Variants in KCNQ5 observed in about 807,000 individuals in gnomAD.
The protein encoded by KCNQ5 is potassium voltage-gated channel subfamily KQT member 5.
A neutral mutation model predicts 98.2 loss-of-function variants in KCNQ5; 30 were observed. The observed-to-expected ratio is 0.31, with a 90% CI of 0.23 to 0.41. The LOEUF (loss-of-function observed/expected upper bound fraction) is 0.41, where lower values mean the gene tolerates loss of function less well. Ranked by LOEUF, KCNQ5 falls within the 10% of genes least tolerant of loss-of-function variation. The pLI is 1.00. For missense variants in KCNQ5, 835 were observed against 1,182.5 expected, an observed-to-expected ratio of 0.71 and a Z score of 4.31; for synonymous variants, 458 against 449.4, an observed-to-expected ratio of 1.02 and a Z score of -0.24.
chr6:72,672,143 G>C (rs2154473389), intron 1 of KCNQ5, among the ~76,000 whole-genome samples: 1 of 142,838 alleles, frequency 7.0e-6, no homozygotes, highest in African/African-American at 2.6e-5. Flanking sequence ...TTGAGACAGA[G>C]TCTACTCTAT....
intron 2 of KCNQ5, among the ~76,000 whole-genome samples, chr6:73,013,391 G>T (rs1313703689): frequency 6.6e-6 from 1 of 152,052 alleles, no homozygotes; most frequent in Non-Finnish European, 1.5e-5. Flanking sequence ...TGCTTGCTCT[G>T]CCATCACCCT....
chr6:73,101,443 T>C (rs896358446), intron 5 of KCNQ5, among the ~76,000 whole-genome samples: 1 of 152,096 alleles, frequency 6.6e-6, no homozygotes, highest in Non-Finnish European at 1.5e-5. Context: ...AGCATCCAAA[T>C]TGGGAAGGAA....
Position 73,097,142 on chromosome 6 carries a change from C to CATATATATAT in KCNQ5, c.919-8107_919-8098dup, listed in dbSNP as rs70994161. ...ATTCACCACACTGTGCAATAGATCT[C>CATATATATAT]ATATATATATATATATACACACACA... On this transcript the variant is annotated intron_variant, in intron 5 of 13. Transcript: ENST00000370398. Among the ~76,000 whole-genome samples, 44 of 121,902 alleles carry CATATATATAT rather than the reference C, an allele frequency of 3.6e-4. 1 individual carries two copies. Among genetic ancestry groups the CATATATATAT allele is most frequent in the East Asian group, 1.3e-3 (5 of 3,988 alleles). The allele number at this position is 121,902 out of a possible 152,430, so 80.0% of individuals were successfully genotyped here.
intron 1 of KCNQ5, among the ~76,000 whole-genome samples, chr6:72,792,748 GTC>G (rs900903350): frequency 8.5e-5 from 13 of 152,222 alleles, no homozygotes; most frequent in African/African-American, 1.9e-4. Flanking sequence ...CATAATTAAT[GTC>G]TCTATTTCAA....
intron 1 of KCNQ5, among the ~76,000 whole-genome samples, chr6:72,652,429 T>TC (rs1158120630): frequency 4.6e-5 from 7 of 151,778 alleles, no homozygotes; most frequent in Middle Eastern, 3.4e-3. Context: ...TCCTGGTTTT[T>TC]CCCCCTCCCT....
chr6:72,988,256 T>C (rs75700763), intron 1 of KCNQ5, among the ~76,000 whole-genome samples: 17 of 152,310 alleles, frequency 1.1e-4, no homozygotes, highest in African/African-American at 4.1e-4. Flanking sequence ...ATCTTATAGA[T>C]GAGGCAAAGG....
chr6:73,080,390 G>T (rs542855513), intron 5 of KCNQ5, among the ~76,000 whole-genome samples: 5 of 152,094 alleles, frequency 3.3e-5, no homozygotes, highest in South Asian at 2.1e-4. Flanking sequence ...AGGCCTTATT[G>T]GTCCGTAGCA....
At chr6:73,153,440 A>G (rs1014672391) in intron 10 of KCNQ5, among the ~76,000 whole-genome samples, 4 of 152,144 alleles carry the variant, frequency 2.6e-5, no homozygotes, top group Admixed American at 1.3e-4. Flanking sequence ...TGTCTTAATT[A>G]TATGTGTATG....
At position 72,693,551 on chromosome 6, in the gene KCNQ5, G is replaced by T. The variant is rs1417497957; in HGVS notation, c.398+70964G>T. ...AAGTTTTTCTCTGGAGGAAAAAAAG[G>T]GTAAGATTGCAGGAAAATGAAATAA... On this transcript the variant is annotated intron_variant, in intron 1 of 13. Coordinates refer to ENST00000370398, the MANE Select transcript of KCNQ5 (RefSeq NM_019842.4). 2.0e-5 allele frequency among the ~76,000 whole-genome samples: 3 copies of T among 152,070 alleles called. No individual in the cohort carries two copies. The East Asian group carries it at 5.8e-4, about 29-fold the overall frequency.
At chr6:73,089,913 C>A (rs1774164174) in intron 5 of KCNQ5, among the ~76,000 whole-genome samples, 1 of 152,126 alleles carries the variant, frequency 6.6e-6, no homozygotes, top group South Asian at 2.1e-4. Context: ...GACTTCTTTT[C>A]CTCTGGGTAG....
intron 1 of KCNQ5, among the ~76,000 whole-genome samples, chr6:72,957,451 A>G (rs899738965): frequency 6.6e-6 from 1 of 152,200 alleles, no homozygotes; most frequent in East Asian, 1.9e-4. Flanking sequence ...TATTACAGGC[A>G]TGAGTCCCTG....
At chr6:72,859,327 A>G (rs1777664215) in intron 1 of KCNQ5, among the ~76,000 whole-genome samples, 1 of 152,174 alleles carries the variant, frequency 6.6e-6, no homozygotes, top group Non-Finnish European at 1.5e-5. Context: ...TAGAAATTAT[A>G]TTTTTTTAAG....
chr6:73,103,394 C>G (rs1306128017), intron 5 of KCNQ5, among the ~76,000 whole-genome samples: 1 of 151,950 alleles, frequency 6.6e-6, no homozygotes, highest in Non-Finnish European at 1.5e-5. Flanking sequence ...GACAGAAAAT[C>G]AAACACCACA....
chr6:73,113,799 G>A (rs1236770636), intron 7 of KCNQ5, among the ~76,000 whole-genome samples: 1 of 152,220 alleles, frequency 6.6e-6, no homozygotes, highest in Admixed American at 6.5e-5. Flanking sequence ...TAATTGAACA[G>A]TTTTACCTGG....
At chr6:72,762,247 G>A (rs1414602681) in intron 1 of KCNQ5, among the ~76,000 whole-genome samples, 1 of 151,952 alleles carries the variant, frequency 6.6e-6, no homozygotes, top group Non-Finnish European at 1.5e-5. Context: ...TAACATTTTT[G>A]TGGTTAACTT....
chr6:72,800,790 G>A (rs1774606768), intron 1 of KCNQ5, among the ~76,000 whole-genome samples: 1 of 152,172 alleles, frequency 6.6e-6, no homozygotes, highest in African/African-American at 2.4e-5. Flanking sequence ...TCTAAACACT[G>A]CTTTGAATGT....
intron 11 of KCNQ5, among the ~76,000 whole-genome samples, chr6:73,181,867 A>G (rs983901043): frequency 1.3e-5 from 2 of 152,218 alleles, no homozygotes; most frequent in African/African-American, 4.8e-5. Context: ...TCTGCAAAAC[A>G]GGGATGGCAA....
chr6:72,831,282 A>G (rs1216238975), intron 1 of KCNQ5, among the ~76,000 whole-genome samples: 2 of 152,240 alleles, frequency 1.3e-5, no homozygotes, highest in Admixed American at 6.5e-5. Flanking sequence ...ATGCACACAT[A>G]TGTTTATTGC....
At chr6:73,180,958 A>G (rs1284378298) in intron 11 of KCNQ5, among the ~76,000 whole-genome samples, 1 of 152,130 alleles carries the variant, frequency 6.6e-6, no homozygotes, top group Non-Finnish European at 1.5e-5. Flanking sequence ...ATCTCTGCAT[A>G]TTCATATGCA....
Sources: allele counts gnomAD v4.1 joint callset (sites outside exome capture counted in the v4.1 genomes callset), GRCh38; gene constraint gnomAD v4.1.1; transcripts MANE v1.5; gene names NCBI Gene and HGNC (gene_info 2026-07-23, HGNC 2026-07-21).